ATP2B4: variants seen among roughly 807,000 people sequenced by gnomAD.
ATP2B4 encodes plasma membrane calcium-transporting ATPase 4.
A neutral mutation model predicts 110.3 loss-of-function variants in ATP2B4; 39 were observed. The ratio of observed to expected loss-of-function variants is 0.35; its 90% CI spans 0.27 to 0.46. ATP2B4 has a LOEUF of 0.46. ATP2B4 is among the 20% of genes least tolerant of loss of function. ATP2B4 has a pLI of 1.00. For synonymous variants in ATP2B4, 538 were observed against 571.7 expected (o/e 0.94, Z 0.84); for missense variants, 1,135 against 1,530.9 (o/e 0.74, Z 4.32).
At chr1:203,632,803 G>A (rs1046146773) in intron 1 of ATP2B4, among the ~76,000 whole-genome samples, 1 of 151,654 alleles carries the variant, frequency 6.6e-6, no homozygotes, top group Non-Finnish European at 1.5e-5. Context: ...TTCGTTTATT[G>A]TATGATAGAT....
chr1:203,701,244 C>T (rs1558040708), intron 6 of ATP2B4, among the ~76,000 whole-genome samples: 1 of 152,186 alleles, frequency 6.6e-6, no homozygotes, highest in Non-Finnish European at 1.5e-5. Context: ...CAAATGCCTT[C>T]CGTGTACTCC....
chr1:203,721,406 T>A lies in ATP2B4; in HGVS notation c.2808T>A (p.Phe936Leu). The change falls in exon 17 of 21, where the codon TTT becomes TTA. Residue 936 changes from phenylalanine to leucine, a missense_variant. Phe to Leu is a conservative substitution (Grantham distance 22). Transcript: ENST00000357681. ...TCATTGTCATCTTTATCCTTGTCTTTGCGGGTGAGCCACTTTGGGGGTGGG... is the reference window on the plus strand; with the variant it reads ...TCATTGTCATCTTTATCCTTGTCTTAGCGGGTGAGCCACTTTGGGGGTGGG... Reference protein sequence around the residue: ...YQLIVIFILVFAGEKFFDIDS... With the variant: ...YQLIVIFILVLAGEKFFDIDS... The A allele has an allele frequency of 6.2e-7, 1 of 1,613,896 alleles. No individual in the cohort carries two copies. Among genetic ancestry groups the A allele is most frequent in the South Asian group, 1.1e-5 (1 of 91,066 alleles).
chr1:203,671,106 G>A (rs540701785), intron 1 of ATP2B4, among the ~76,000 whole-genome samples: 2 of 152,312 alleles, frequency 1.3e-5, no homozygotes, highest in South Asian at 2.1e-4. Flanking sequence ...TGGGGAGAAG[G>A]GGTTGATAAA....
rs1667007187 is a variant in ATP2B4, at chr1:203,742,047, T to C, written c.*2193T>C. On this transcript the variant is annotated 3_prime_UTR_variant, in exon 21 of 21. Coordinates refer to ENST00000357681, the MANE Select transcript of ATP2B4 (RefSeq NM_001684.5). ...CTTTTTAAAAGTCAATGGTTTTTTT[T>C]CTTGTGTTCTAGTTTCCATAATAGG... is the stretch of plus-strand genomic sequence containing the variant. 1 of 152,660 alleles carries C rather than the reference T, an allele frequency of 6.6e-6. No individual in the cohort carries two copies. Among genetic ancestry groups the C allele is most frequent in the Non-Finnish European group, 1.5e-5 (1 of 68,042 alleles). 9.5% of individuals were successfully genotyped at this position (152,660 alleles called of 1,614,324 possible). A position where few individuals can be genotyped will look rare whatever the true frequency, so the allele number is the denominator to read the frequency against.
intron 1 of ATP2B4, among the ~76,000 whole-genome samples, chr1:203,672,109 G>C (rs145158785): frequency 1.9e-4 from 29 of 152,358 alleles, no homozygotes; most frequent in South Asian, 4.1e-4. Context: ...GAGGTGAGAA[G>C]ACCCTGGGGT....
At chr1:203,705,978 G>A (rs1027584481) in intron 8 of ATP2B4, among the ~76,000 whole-genome samples, 4 of 152,128 alleles carry the variant, frequency 2.6e-5, no homozygotes, top group African/African-American at 7.2e-5. Context: ...GGAGGCCCCC[G>A]AATCATCAGG....
intron 2 of ATP2B4, among the ~76,000 whole-genome samples, chr1:203,690,068 G>T (rs999545975): frequency 1.2e-4 from 18 of 152,298 alleles, no homozygotes; most frequent in African/African-American, 4.1e-4. Context: ...GGAGTAAGTG[G>T]CAGGCGGGAA....
At chr1:203,638,046 G>A (rs1663511243) in intron 1 of ATP2B4, among the ~76,000 whole-genome samples, 1 of 152,118 alleles carries the variant, frequency 6.6e-6, no homozygotes, top group African/African-American at 2.4e-5. Context: ...ATTTGGCAGG[G>A]CTCAACTGGA....
intron 19 of ATP2B4, 64 bp from the exon 20 acceptor site, chr1:203,727,331 A>G: frequency 1.3e-6 from 2 of 1,579,964 alleles, no homozygotes; most frequent in Non-Finnish European, 1.7e-6. Context: ...GGCTCATGTA[A>G]GTTGACTGAC....
At chr1:203,737,198 AC>A (rs1666898037) in intron 20 of ATP2B4, among the ~76,000 whole-genome samples, 3 of 152,022 alleles carry the variant, frequency 2.0e-5, no homozygotes, top group African/African-American at 7.3e-5. Context: ...CCTCACTCCA[AC>A]CCCAGTTGTT....
chr1:203,694,467 C>T (rs1354902012), intron 2 of ATP2B4, among the ~76,000 whole-genome samples: 1 of 152,094 alleles, frequency 6.6e-6, no homozygotes, highest in East Asian at 1.9e-4. Context: ...GAGCCCTCTC[C>T]AACAAAGAGG....
At chr1:203,701,537 C>T (rs1665693037) in intron 6 of ATP2B4, among the ~76,000 whole-genome samples, 1 of 152,214 alleles carries the variant, frequency 6.6e-6, no homozygotes, top group Non-Finnish European at 1.5e-5. Flanking sequence ...GTTTCTACCA[C>T]TTGGCTGGAG....
chr1:203,728,013 T>G (rs774107330), intron 20 of ATP2B4: 10 of 346,178 alleles, frequency 2.9e-5, no homozygotes, highest in Non-Finnish European at 5.8e-5. Flanking sequence ...ACTGCCATTA[T>G]AGGAATAGAT....
At chr1:203,664,314 GGGTCCAGATCCAGGACT>G (rs1403838961) in intron 1 of ATP2B4, among the ~76,000 whole-genome samples, 1 of 152,190 alleles carries the variant, frequency 6.6e-6, no homozygotes, top group Non-Finnish European at 1.5e-5. Context: ...ACAGAGCCAA[GGGTCCAGATCCAGGACT>G]GGAAAGTATA....
chr1:203,702,384 C>T (rs970014111), intron 7 of ATP2B4, among the ~76,000 whole-genome samples: 1 of 152,156 alleles, frequency 6.6e-6, no homozygotes, highest in Non-Finnish European at 1.5e-5. Flanking sequence ...TCATTGACCT[C>T]AGCCTGATTT....
At chr1:203,650,648 G>A (rs1663957637) in intron 1 of ATP2B4, among the ~76,000 whole-genome samples, 1 of 152,170 alleles carries the variant, frequency 6.6e-6, no homozygotes, top group Non-Finnish European at 1.5e-5. Context: ...GGCCCGGGGC[G>A]AGGGCGGGCG....
chr1:203,671,149 T>G (rs1475142788), intron 1 of ATP2B4, among the ~76,000 whole-genome samples: 1 of 152,254 alleles, frequency 6.6e-6, no homozygotes, highest in East Asian at 1.9e-4. Context: ...CAACTAGCTG[T>G]TTCTGAAAGG....
At chr1:203,691,948 C>T (rs1204336830) in intron 2 of ATP2B4, among the ~76,000 whole-genome samples, 1 of 151,890 alleles carries the variant, frequency 6.6e-6, no homozygotes, top group Non-Finnish European at 1.5e-5. Context: ...GTGGCGCAAT[C>T]TCAGCTCACT....
chr1:203,628,059 C>T (rs1050140964), intron 1 of ATP2B4, among the ~76,000 whole-genome samples: 1 of 152,022 alleles, frequency 6.6e-6, no homozygotes, highest in African/African-American at 2.4e-5. Context: ...TTTCCGATGT[C>T]GAGGCTGGAC....
Sources: allele counts gnomAD v4.1 joint callset (sites outside exome capture counted in the v4.1 genomes callset), GRCh38; gene constraint gnomAD v4.1.1; transcripts MANE v1.5; gene names NCBI Gene and HGNC (gene_info 2026-07-23, HGNC 2026-07-21).